The following PRICKLE1 variants were observed in gnomAD, a reference collection of about 807,000 sequenced individuals.
The protein encoded by PRICKLE1 is prickle planar cell polarity protein 1, also known as prickle-like protein 1.
In PRICKLE1, 14 loss-of-function variants were observed where a neutral mutation model predicts 70.2. The observed-to-expected ratio is 0.20, with a 90% CI of 0.13 to 0.31. PRICKLE1 has a LOEUF of 0.31. Ranked by LOEUF, PRICKLE1 falls within the 10% of genes least tolerant of loss-of-function variation. The probability of loss-of-function intolerance (pLI) is 1.00; values close to 1 mark genes in which losing one functional copy is unlikely to be tolerated. For synonymous variants in PRICKLE1, 357 were observed against 379.9 expected, an observed-to-expected ratio of 0.94 and a Z score of 0.70; for missense variants, 821 against 1,026.2, an observed-to-expected ratio of 0.80 and a Z score of 2.73.
intron 1 of PRICKLE1, among the ~76,000 whole-genome samples, chr12:42,553,739 G>T (rs1243188268): frequency 6.6e-6 from 1 of 152,102 alleles, no homozygotes; most frequent in Non-Finnish European, 1.5e-5. Context: ...GTTCAAGTCT[G>T]GTTCTGCTGC....
Position 42,485,239 on chromosome 12 carries a change from GTTTTTTTTTTTTTTTT to G in PRICKLE1, c.-48-12691_-48-12676del, listed in dbSNP as rs556218718. On this transcript the variant is annotated intron_variant, in intron 1 of 7. Transcript: ENST00000345127. ...AGCTACAAAGTAAGGCAGCTGAGAA[GTTTTTTTTTTTTTTTT>G]TTTTTTTTTTTTTTGTTACTCTCTT... 3 of 100,784 alleles carry G rather than the reference GTTTTTTTTTTTTTTTT, an allele frequency of 3.0e-5. No individual in the cohort carries two copies. The Admixed American group carries it at 3.9e-4, about 13-fold the overall frequency. 6.2% of individuals were successfully genotyped at this position (100,784 alleles called of 1,614,324 possible). A position where few individuals can be genotyped will look rare whatever the true frequency, so the allele number is the denominator to read the frequency against.
At chr12:42,553,350 A>C (rs1324342421) in intron 1 of PRICKLE1, among the ~76,000 whole-genome samples, 3 of 151,914 alleles carry the variant, frequency 2.0e-5, no homozygotes. Context: ...AGGCTGAGGC[A>C]GGAGAATGGC....
Position 42,460,076 on chromosome 12 carries a change from C to T in PRICKLE1, c.2229G>A (p.Leu743=), listed in dbSNP as rs2140085472. Residue 743 remains leucine (L), a synonymous_variant, in exon 8 of 8, where the codon CTG becomes CTA. Coordinates refer to ENST00000345127, the MANE Select transcript of PRICKLE1 (RefSeq NM_153026.3). ...GAAACCGATTCATTCCTGGGTTCTG[C>T]AGGCCATAATCGGAAGTGGCATGGG... The part of the protein sequence containing the change: ...QYAHATSDYG[L]QNPGMNRFLG... The T allele has an allele frequency of 6.2e-7, 1 of 1,614,148 alleles. No individual in the cohort carries two copies.
Position 42,472,409 on chromosome 12 carries a change from G to T in PRICKLE1, c.108C>A (p.Val36=). 4 of 1,614,092 alleles carry T rather than the reference G, an allele frequency of 2.5e-6. No individual in the cohort carries two copies. Among genetic ancestry groups the T allele is most frequent in the African/African-American group, 1.3e-5 (1 of 75,022 alleles). ...SGCALEEYAW[V]PPGLRPEQIQ... is the part of the protein sequence containing the mutation. Reference sequence around the variant, plus strand: ...CCTGCTCTGGTCTCAGGCCCGGGGGGACCCAGGCGTACTCCTCCAATGCAC... The same window carrying T: ...CCTGCTCTGGTCTCAGGCCCGGGGGTACCCAGGCGTACTCCTCCAATGCAC... Residue 36 remains valine, a synonymous_variant, in exon 2 of 8, where the codon GTC becomes GTA. Coordinates refer to ENST00000345127, the MANE Select transcript of PRICKLE1 (RefSeq NM_153026.3).
intron 1 of PRICKLE1, among the ~76,000 whole-genome samples, chr12:42,516,119 G>A (rs975123634): frequency 6.6e-6 from 1 of 151,250 alleles, no homozygotes; most frequent in African/African-American, 2.4e-5. Flanking sequence ...CTAGCAAATG[G>A]CCTTCCATTT....
intron 1 of PRICKLE1, among the ~76,000 whole-genome samples, chr12:42,496,837 G>A (rs145722325): frequency 3.3e-4 from 50 of 152,256 alleles, no homozygotes; most frequent in African/African-American, 1.2e-3. Context: ...ATTAGGCTTT[G>A]GCTTAGGGGA....
chr12:42,510,288 G>A lies in PRICKLE1; in HGVS notation c.-48-37724C>T, dbSNP rs552808604. Among the ~76,000 whole-genome samples, 14 of 152,062 alleles carry A rather than the reference G, an allele frequency of 9.2e-5. No homozygotes were observed. The South Asian group carries it at 1.7e-3, about 18-fold the overall frequency. On this transcript the variant is annotated intron_variant, in intron 1 of 7. Transcript: ENST00000345127. ...TTTTTGTATTTTTAGTAGAGATGGG[G>A]TTTCACCATGTTAGCCAGGATGGTC...
At chr12:42,528,772 C>A (rs1332229331) in intron 1 of PRICKLE1, among the ~76,000 whole-genome samples, 1 of 152,134 alleles carries the variant, frequency 6.6e-6, no homozygotes, top group Non-Finnish European at 1.5e-5. Flanking sequence ...TATCCACTGA[C>A]TGAATGAAAT....
rs552840971 is a variant in PRICKLE1 at position 42,464,596 on chromosome 12, G to C, written c.1438C>G (p.Leu480Val). ...TGGCTGCCATAAGCAGAATCGCCCA[G>C]TCCATCTTGTGACTGTGCCCAGTAC... Reference protein sequence around the residue: ...DMYWAQSQDGLGDSAYGSHPG... With the variant: ...DMYWAQSQDGVGDSAYGSHPG... Residue 480 changes from leucine (L) to valine (V), a missense_variant, in exon 7 of 8, where the codon CTG (leucine) becomes GTG (valine). Transcript: ENST00000345127. This position sits in a 1 kb window ranked among gnomAD's most constrained non-coding sequence, Gnocchi z 4.2. 1.1e-5 allele frequency: 18 copies of C among 1,613,904 alleles called. No individual in the cohort carries two copies. In the South Asian group the frequency reaches 1.8e-4, roughly 16 times the overall value.
intron 1 of PRICKLE1, among the ~76,000 whole-genome samples, chr12:42,575,800 A>C (rs1205019391): frequency 6.6e-6 from 1 of 152,132 alleles, no homozygotes; most frequent in Admixed American, 6.6e-5. Context: ...AAACTAGCCC[A>C]TTCTGCTATT....
intron 1 of PRICKLE1, among the ~76,000 whole-genome samples, chr12:42,521,420 C>G (rs1939706162): frequency 6.6e-6 from 1 of 152,088 alleles, no homozygotes; most frequent in Non-Finnish European, 1.5e-5. Context: ...AGTTAATAGA[C>G]CTACTGCAGT....
At chr12:42,571,358 C>T (rs1416253687) in intron 1 of PRICKLE1, among the ~76,000 whole-genome samples, 1 of 152,072 alleles carries the variant, frequency 6.6e-6, no homozygotes, top group Non-Finnish European at 1.5e-5. Context: ...AATAAAATTA[C>T]AGGCTTTGTC....
chr12:42,509,482 T>G (rs1179782110), intron 1 of PRICKLE1, among the ~76,000 whole-genome samples: 1 of 152,164 alleles, frequency 6.6e-6, no homozygotes, highest in East Asian at 1.9e-4. Context: ...CCTGCCTTAT[T>G]CTGCTCACCC....
chr12:42,558,873 T>C (rs1940455206), intron 1 of PRICKLE1, among the ~76,000 whole-genome samples: 1 of 152,326 alleles, frequency 6.6e-6, no homozygotes, highest in South Asian at 2.1e-4. Flanking sequence ...TAATTTTTCT[T>C]AGTCAATCAA....
intron 1 of PRICKLE1, among the ~76,000 whole-genome samples, chr12:42,515,955 T>G (rs1365976827): frequency 3.3e-5 from 5 of 152,202 alleles, no homozygotes. Context: ...TAATTATTTA[T>G]TTGATGACAT....
chr12:42,548,028 A>G (rs1487625217), intron 1 of PRICKLE1, among the ~76,000 whole-genome samples: 1 of 152,178 alleles, frequency 6.6e-6, no homozygotes, highest in East Asian at 1.9e-4. Context: ...TGCATGAGAC[A>G]AAGTTTTTAA....
chr12:42,560,134 AT>A (rs1239256174), intron 1 of PRICKLE1, among the ~76,000 whole-genome samples: 2 of 100,080 alleles, frequency 2.0e-5, no homozygotes, highest in Non-Finnish European at 3.8e-5. Context: ...TATTATTATT[AT>A]TATTATTATT....
At chr12:42,533,538 T>G (rs2120559506) in intron 1 of PRICKLE1, among the ~76,000 whole-genome samples, 1 of 152,310 alleles carries the variant, frequency 6.6e-6, no homozygotes, top group South Asian at 2.1e-4. Context: ...GGAAAATTAT[T>G]TCATTGCCTG....
intron 1 of PRICKLE1, among the ~76,000 whole-genome samples, chr12:42,527,953 ATATATATATATATATATATC>A (rs71084668): frequency 0.24 from 10,788 of 44,810 alleles, 1,389 homozygotes; most frequent in African/African-American, 0.29. Context: ...ATATATATAT[ATATATATATATATATATATC>A]TCCAAAGTTT....
Sources: allele counts gnomAD v4.1 joint callset (sites outside exome capture counted in the v4.1 genomes callset), GRCh38; gene constraint gnomAD v4.1.1; non-coding constraint Gnocchi (gnomAD v3.1); transcripts MANE v1.5; gene names NCBI Gene and HGNC (gene_info 2026-07-23, HGNC 2026-07-21).